The following APBB2 variants were observed in gnomAD, a reference collection of about 807,000 sequenced individuals.
APBB2 encodes the protein Fe65-like 1.
In APBB2, 38 loss-of-function variants were observed where a neutral mutation model predicts 82.5. The ratio of observed to expected loss-of-function variants is 0.46; its 90% CI spans 0.36 to 0.60. The LOEUF is 0.60. Ranked by LOEUF, APBB2 falls within the 20% of genes least tolerant of loss-of-function variation. APBB2 has a pLI of 0.00. For missense variants in APBB2, 772 were observed against 972.3 expected, an observed-to-expected ratio of 0.79 and a Z score of 2.74; for synonymous variants, 341 against 368.2, an observed-to-expected ratio of 0.93 and a Z score of 0.85.
intron 6 of APBB2, among the ~76,000 whole-genome samples, chr4:40,948,733 C>A (rs11730447): frequency 7.2e-6 from 1 of 138,234 alleles, no homozygotes; most frequent in Non-Finnish European, 1.5e-5. Context: ...GTACTCCAAT[C>A]TGGGTGACAG....
chr4:41,128,139 A>G (rs936898506), intron 2 of APBB2, among the ~76,000 whole-genome samples: 1 of 152,210 alleles, frequency 6.6e-6, no homozygotes, highest in Non-Finnish European at 1.5e-5. Flanking sequence ...AACAAGACAT[A>G]TAAGCAGCCA....
chr4:40,832,055 T>C lies in APBB2; in HGVS notation c.1530-1478A>G, dbSNP rs987791340. The stretch of plus-strand genomic sequence containing the variant: ...ACACACACACACACACACACACATA[T>C]ACACCAAGCTTTACCCATCTAGGAA... On this transcript the variant is annotated intron_variant, in intron 12 of 17. Transcript: ENST00000508593. The surrounding 1 kb of genome is among the most constrained non-coding windows in gnomAD (Gnocchi z 4.8). Among the ~76,000 whole-genome samples, 1,629 of 77,336 alleles carry C rather than the reference T, an allele frequency of 0.021. 18 individuals carry two copies. The highest frequency in any genetic ancestry group is 0.034 in the Non-Finnish European group (1,010 of 29,492). The allele number at this position is 77,336 out of a possible 152,430, so 50.7% of individuals were successfully genotyped here.
chr4:40,959,183 G>A (rs1792444864), intron 6 of APBB2, among the ~76,000 whole-genome samples: 2 of 152,206 alleles, frequency 1.3e-5, no homozygotes, highest in African/African-American at 4.8e-5. Flanking sequence ...GTGCCCCGCT[G>A]CCACATCCTC....
intron 2 of APBB2, among the ~76,000 whole-genome samples, chr4:41,109,295 A>T (rs1297489621): frequency 8.2e-6 from 1 of 122,186 alleles, no homozygotes; most frequent in Admixed American, 9.0e-5. Context: ...AATCACTATA[A>T]TTTTCTTTTT....
At chr4:40,874,194 A>C (rs1029884826) in intron 12 of APBB2, among the ~76,000 whole-genome samples, 3 of 152,246 alleles carry the variant, frequency 2.0e-5, no homozygotes, top group Admixed American at 2.0e-4. Flanking sequence ...CTGCAATTGC[A>C]GGTTTAATTT....
In APBB2 at chr4:41,013,597, G is replaced by T; in HGVS notation, c.821C>A (p.Ser274Tyr). Reference protein sequence around the residue: ...TLSQDSASPSSPDETADIWSD... With the variant: ...TLSQDSASPSYPDETADIWSD... ...CCCAGGGGTACCTGTTTCATCCGGG[G>T]AGCTGGGTGAGGCACTGTCTTGGGA... The change falls in exon 6 of 18, where the codon TCC becomes TAC. Residue 274 changes from serine (S) to tyrosine (Y), a missense_variant. Coordinates refer to ENST00000508593, the MANE Select transcript of APBB2 (RefSeq NM_004307.2). 3 of 1,613,872 alleles carry T rather than the reference G, an allele frequency of 1.9e-6. No homozygotes were observed. The highest frequency in any genetic ancestry group is 2.5e-6 in the Non-Finnish European group (3 of 1,179,754).
In APBB2 at chr4:41,159,961, G is replaced by GAGAAGGAGAAGA. The variant is rs1764562022; in HGVS notation, c.-416-16820_-416-16819insTCTTCTCCTTCT. On this transcript the variant is annotated intron_variant, in intron 1 of 17. Coordinates refer to ENST00000508593, the MANE Select transcript of APBB2 (RefSeq NM_004307.2). ...GGAGGAGGAGAAGGAGAAGGAGAAG[G>GAGAAGGAGAAGA]AGAAGAAGAAGAAGAAGAAGAAGAA... is the stretch of plus-strand genomic sequence containing the variant. 9.4e-4 allele frequency among the ~76,000 whole-genome samples: 30 copies of GAGAAGGAGAAGA among 31,984 alleles called. 1 individual carries two copies. The highest frequency in any genetic ancestry group is 2.9e-3 in the African/African-American group (28 of 9,572). The allele number at this position is 31,984 out of a possible 152,430, so 21.0% of individuals were successfully genotyped here. A position where few individuals can be genotyped will look rare whatever the true frequency, so the allele number is the denominator to read the frequency against.
intron 6 of APBB2, among the ~76,000 whole-genome samples, chr4:40,972,312 C>T (rs1796123376): frequency 6.6e-6 from 1 of 151,870 alleles, no homozygotes; most frequent in South Asian, 2.1e-4. Context: ...CCTGTAATCC[C>T]AGCTACTCGG....
intron 4 of APBB2, among the ~76,000 whole-genome samples, chr4:41,051,755 G>A (rs1726031236): frequency 6.6e-6 from 1 of 152,130 alleles, no homozygotes; most frequent in South Asian, 2.1e-4. Flanking sequence ...CTTCCTAAGA[G>A]CATCTACCAC....
chr4:40,890,412 T>C lies in APBB2; in HGVS notation c.1481A>G (p.Gln494Arg), dbSNP rs1297429806. The change falls in exon 12 of 18, where the codon CAG becomes CGG. Residue 494 changes from glutamine (Q) to arginine (R), a missense_variant. Coordinates refer to ENST00000508593, the MANE Select transcript of APBB2 (RefSeq NM_004307.2). ...CCACACGCGGATGCTGACGATGGGC[T>C]GCGAGTGCAGCACGCTGCGGTCCAT... ...DPMDRSVLHS[Q>R]PIVSIRVWGV... The C allele has an allele frequency of 6.2e-7, 1 of 1,613,982 alleles. No homozygotes were observed. Among genetic ancestry groups the C allele is most frequent in the South Asian group, 1.1e-5 (1 of 91,068 alleles).
At chr4:40,951,110 A>G (rs1280176706) in intron 6 of APBB2, among the ~76,000 whole-genome samples, 2 of 152,238 alleles carry the variant, frequency 1.3e-5, no homozygotes, top group Non-Finnish European at 2.9e-5. Context: ...CTGGAGGATG[A>G]ATACCTGGAG....
At chr4:40,860,474 G>C (rs1484907700) in intron 12 of APBB2, among the ~76,000 whole-genome samples, 1 of 152,200 alleles carries the variant, frequency 6.6e-6, no homozygotes, top group Non-Finnish European at 1.5e-5. Flanking sequence ...AAGTTATGCT[G>C]CCCAGGACAC....
chr4:41,102,429 T>C (rs964041969), intron 2 of APBB2, among the ~76,000 whole-genome samples: 1 of 152,244 alleles, frequency 6.6e-6, no homozygotes, highest in African/African-American at 2.4e-5. Context: ...ATCACTGTAT[T>C]ACCATACAGC....
intron 1 of APBB2, among the ~76,000 whole-genome samples, chr4:41,149,029 T>A (rs919977644): frequency 6.6e-5 from 10 of 152,306 alleles, no homozygotes; most frequent in African/African-American, 1.9e-4. Context: ...TAGTAAAATA[T>A]TTTATTTCTT....
rs1367694005 is a variant in APBB2, at chr4:40,845,739, C to T, written c.1530-15162G>A. Among the ~76,000 whole-genome samples, 8 of 152,070 alleles carry T rather than the reference C, an allele frequency of 5.3e-5. No homozygotes were observed. In the Middle Eastern group the frequency reaches 0.014, roughly 260 times the overall value. ...CTGTCCACTTTTCACAAACTGAGCA[C>T]GCGAGGCAAGGACTTGCCAGTAGAC... On this transcript the variant is annotated intron_variant, in intron 12 of 17. Transcript: ENST00000508593.
intron 3 of APBB2, among the ~76,000 whole-genome samples, chr4:41,067,773 C>T (rs1732456768): frequency 6.6e-6 from 1 of 152,166 alleles, no homozygotes; most frequent in African/African-American, 2.4e-5. Context: ...TTTAAGAAGT[C>T]ACTGTCCACC....
intron 3 of APBB2, among the ~76,000 whole-genome samples, chr4:41,099,246 G>A (rs1744545771): frequency 6.6e-6 from 1 of 151,666 alleles, no homozygotes; most frequent in South Asian, 2.1e-4. Flanking sequence ...TGTTTTTTTT[G>A]GGATGGAGTT....
At chr4:41,151,989 A>T (rs1762391905) in intron 1 of APBB2, among the ~76,000 whole-genome samples, 1 of 152,142 alleles carries the variant, frequency 6.6e-6, no homozygotes, top group African/African-American at 2.4e-5. Flanking sequence ...AACTCAGAAG[A>T]GATCTCGTCA....
chr4:41,036,904 A>T (rs958067116), intron 4 of APBB2, among the ~76,000 whole-genome samples: 1 of 152,222 alleles, frequency 6.6e-6, no homozygotes, highest in Non-Finnish European at 1.5e-5. Context: ...ATTCTACATA[A>T]ACAATAACCT....
Sources: allele counts gnomAD v4.1 joint callset (sites outside exome capture counted in the v4.1 genomes callset), GRCh38; gene constraint gnomAD v4.1.1; non-coding constraint Gnocchi (gnomAD v3.1); transcripts MANE v1.5; gene names NCBI Gene and HGNC (gene_info 2026-07-23, HGNC 2026-07-21).